Variants in PCDHGA9 observed in about 807,000 individuals in gnomAD.
PCDHGA9 encodes protocadherin gamma subfamily A, 9, also known as protocadherin gamma-A9.
Under a neutral mutation model 62.5 loss-of-function variants are expected in PCDHGA9, and 37 were observed. That is an observed-to-expected ratio of 0.59 (90% CI 0.46 to 0.78). The LOEUF (loss-of-function observed/expected upper bound fraction) is 0.78. Ranked by LOEUF, PCDHGA9 falls within the 30% of genes least tolerant of loss-of-function variation. The pLI is 0.00. For synonymous variants in PCDHGA9, 459 were observed against 484.6 expected (o/e 0.95, Z 0.69); for missense variants, 1,138 against 1,166.2 (o/e 0.98, Z 0.35).
intron 2 of PCDHGA9, among the ~76,000 whole-genome samples, chr5:141,496,592 T>G (rs948403662): frequency 6.6e-6 from 1 of 152,136 alleles, no homozygotes; most frequent in African/African-American, 2.4e-5. Context: ...GCAAAGCGCT[T>G]CTTAGAAGGC....
At chr5:141,466,655 AT>A (rs754296083) in intron 1 of PCDHGA9, among the ~76,000 whole-genome samples, 3 of 152,206 alleles carry the variant, frequency 2.0e-5, no homozygotes, top group Non-Finnish European at 4.4e-5. Context: ...TTCACAAAAC[AT>A]CAGTGATTTC....
rs1434656385 is a variant in PCDHGA9 at position 141,403,609 on chromosome 5, G to A, written c.657G>A (p.Glu219=). The change falls in exon 1 of 4, where the codon GAG becomes GAA. Residue 219 remains glutamate, a synonymous_variant. Coordinates refer to ENST00000573521, the MANE Select transcript of PCDHGA9 (RefSeq NM_018921.3). Reference sequence around the variant, plus strand: ...TCCTCACGGCCTCGGATGGCGGCGAGCCGCGTCGCTCCAGCACAGTGCGCA... The same window carrying A: ...TCCTCACGGCCTCGGATGGCGGCGAACCGCGTCGCTCCAGCACAGTGCGCA... ...HLVLTASDGG[E]PRRSSTVRIH... is the part of the protein sequence containing the mutation. 1 of 1,613,870 alleles carries A rather than the reference G, an allele frequency of 6.2e-7. No individual in the cohort carries two copies. Among genetic ancestry groups the A allele is most frequent in the South Asian group, 1.1e-5 (1 of 91,086 alleles).
At chr5:141,420,546 G>A in intron 1 of PCDHGA9, 1 of 284,254 alleles carries the variant, frequency 3.5e-6, no homozygotes, top group South Asian at 1.2e-4. Context: ...ATAAAATACA[G>A]GTATATTTTT....
Position 141,485,227 on chromosome 5 carries a change from G to T in PCDHGA9, c.2425-9580G>T. Reference sequence around the variant, plus strand: ...AAATCTGGCGGTGGGCTACCCTTTTGTTCCTCTTTTACCACCTGGGTTACG... The same window carrying T: ...AAATCTGGCGGTGGGCTACCCTTTTTTTCCTCTTTTACCACCTGGGTTACG... On this transcript the variant is annotated intron_variant, in intron 1 of 3. Transcript: ENST00000573521. The surrounding 1 kb of genome is among the most constrained non-coding windows in gnomAD (Gnocchi z 5.7). The T allele has an allele frequency of 6.2e-7, 1 of 1,614,186 alleles. No individual in the cohort carries two copies. Among genetic ancestry groups the T allele is most frequent in the Non-Finnish European group, 8.5e-7 (1 of 1,180,020 alleles).
chr5:141,408,446 G>C (rs371079756), intron 1 of PCDHGA9: 180 of 1,613,946 alleles, frequency 1.1e-4, no homozygotes, highest in Non-Finnish European at 1.5e-4. Context: ...CGCGGAGAGC[G>C]GGGACTTACT....
At chr5:141,474,997 A>C (rs2154572220) in intron 1 of PCDHGA9, among the ~76,000 whole-genome samples, 1 of 152,376 alleles carries the variant, frequency 6.6e-6, no homozygotes, top group African/African-American at 2.4e-5. Flanking sequence ...ACAATTCTAA[A>C]TGCAGAAAAG....
At position 141,431,421 on chromosome 5, in the gene PCDHGA9, T is replaced by A. The variant is rs2097372202; in HGVS notation, c.2424+26045T>A. On this transcript the variant is annotated intron_variant, in intron 1 of 3. Transcript: ENST00000573521. The surrounding 1 kb of genome is among the most constrained non-coding windows in gnomAD (Gnocchi z 4.8). The stretch of plus-strand genomic sequence containing the variant: ...ACGGCCTCCGACGGGGGCGACCCGG[T>A]GCGCACAGGCACCGCGCGCATCCGC... 1 of 1,613,580 alleles carries A rather than the reference T, an allele frequency of 6.2e-7. No individual in the cohort carries two copies. The highest frequency in any genetic ancestry group is 1.1e-5 in the South Asian group (1 of 91,082).
intron 1 of PCDHGA9, chr5:141,433,359 CT>C: frequency 8.7e-6 from 2 of 228,708 alleles, no homozygotes; most frequent in Non-Finnish European, 1.6e-5. Context: ...TACTGTCTGC[CT>C]ATCTATCTAT....
At chr5:141,409,331 G>A (rs1447189643) in intron 1 of PCDHGA9, 1 of 1,613,818 alleles carries the variant, frequency 6.2e-7, no homozygotes, top group African/African-American at 1.3e-5. Context: ...TCTGGATTTC[G>A]GAGGAAATGG....
At chr5:141,452,751 A>C (rs1592230802) in intron 1 of PCDHGA9, among the ~76,000 whole-genome samples, 1 of 152,094 alleles carries the variant, frequency 6.6e-6, no homozygotes, top group South Asian at 2.1e-4. Context: ...AGAAGGAAGA[A>C]GGAAGGGAGG....
intron 1 of PCDHGA9, chr5:141,478,393 G>A (rs2099452978): frequency 6.2e-7 from 1 of 1,613,488 alleles, no homozygotes; most frequent in South Asian, 1.1e-5. Flanking sequence ...TTTACCATCA[G>A]GTGTATCTCA....
At chr5:141,501,290 T>TACACACACAC (rs55762287) in intron 2 of PCDHGA9, among the ~76,000 whole-genome samples, 12 of 136,162 alleles carry the variant, frequency 8.8e-5, no homozygotes, top group Admixed American at 4.7e-4. Context: ...TATTCCCTTA[T>TACACACACAC]ACACACACAC....
At chr5:141,501,305 A>G (rs2099807563) in intron 2 of PCDHGA9, among the ~76,000 whole-genome samples, 1 of 151,322 alleles carries the variant, frequency 6.6e-6, no homozygotes, top group African/African-American at 2.4e-5. Flanking sequence ...ACACACACAC[A>G]CACACACACA....
At chr5:141,440,221 C>A (rs557068282) in intron 1 of PCDHGA9, 2 of 152,450 alleles carry the variant, frequency 1.3e-5, no homozygotes, top group Admixed American at 6.5e-5. Context: ...GTAATCCCAG[C>A]ACTTTGGGAG....
chr5:141,484,960 C>A, intron 1 of PCDHGA9: 1 of 577,142 alleles, frequency 1.7e-6, no homozygotes, highest in Non-Finnish European at 3.1e-6. Flanking sequence ...TTGGCTGAGC[C>A]CGGGAGCCGC....
Position 141,477,707 on chromosome 5 carries a change from C to T in PCDHGA9, c.2425-17100C>T. ...AGTGCCCCTAGACTATGAGGATCGG[C>T]GGGAATTTGAATTAACAGCTCATAT... On this transcript the variant is annotated intron_variant, in intron 1 of 3. Transcript: ENST00000573521. The surrounding 1 kb of genome is among the most constrained non-coding windows in gnomAD (Gnocchi z 4.9). 6.2e-7 allele frequency: 1 copy of T among 1,613,952 alleles called. No individual in the cohort carries two copies. Among genetic ancestry groups the T allele is most frequent in the South Asian group, 1.1e-5 (1 of 91,086 alleles).
intron 2 of PCDHGA9, among the ~76,000 whole-genome samples, chr5:141,504,253 G>A (rs1036263329): frequency 6.6e-6 from 1 of 152,100 alleles, no homozygotes; most frequent in Non-Finnish European, 1.5e-5. Context: ...TTCTTCTTAT[G>A]GTTTAGTATT....
At chr5:141,430,811 A>T in intron 1 of PCDHGA9, 1 of 1,527,400 alleles carries the variant, frequency 6.5e-7, no homozygotes, top group Non-Finnish European at 8.8e-7. Context: ...CCTGCTGGGA[A>T]TCCTCCTGGG....
chr5:141,453,680 A>G (rs1466590010), intron 1 of PCDHGA9, among the ~76,000 whole-genome samples: 1 of 152,220 alleles, frequency 6.6e-6, no homozygotes, highest in Non-Finnish European at 1.5e-5. Context: ...GTAACACACT[A>G]TGTAGGTAGT....
Sources: allele counts gnomAD v4.1 joint callset (sites outside exome capture counted in the v4.1 genomes callset), GRCh38; gene constraint gnomAD v4.1.1; non-coding constraint Gnocchi (gnomAD v3.1); transcripts MANE v1.5; gene names NCBI Gene and HGNC (gene_info 2026-07-23, HGNC 2026-07-21).